BRINP1: variants seen among roughly 807,000 people sequenced by gnomAD.
The protein encoded by BRINP1 is BMP/retinoic acid-inducible neural-specific protein 1.
In BRINP1, 17 loss-of-function variants were observed where a neutral mutation model predicts 72.9. The ratio of observed to expected loss-of-function variants is 0.23; its 90% confidence interval spans 0.16 to 0.35. BRINP1 has a LOEUF of 0.35. Ranked by LOEUF, BRINP1 falls within the 10% of genes least tolerant of loss-of-function variation. The pLI is 1.00. For missense variants in BRINP1, 850 were observed against 1,001.6 expected (o/e 0.85, Z 2.04); for synonymous variants, 418 against 378.5 (o/e 1.10, Z -1.21).
chr9:119,191,616 A>G (rs1314218769), intron 7 of BRINP1, among the ~76,000 whole-genome samples: 2 of 151,952 alleles, frequency 1.3e-5, no homozygotes, highest in Non-Finnish European at 2.9e-5. Context: ...ATTAAAGAAG[A>G]CACAAATAAA....
chr9:119,364,350 G>A (rs1831668375), intron 1 of BRINP1, among the ~76,000 whole-genome samples: 2 of 152,078 alleles, frequency 1.3e-5, no homozygotes, highest in Admixed American at 1.3e-4. Flanking sequence ...TAATGAACTT[G>A]CTATCACTAA....
intron 1 of BRINP1, among the ~76,000 whole-genome samples, chr9:119,315,593 G>A (rs1831116794): frequency 6.6e-6 from 1 of 152,044 alleles, no homozygotes; most frequent in African/African-American, 2.4e-5. Flanking sequence ...TTAAGTGAAA[G>A]GAGGAGTCCT....
chr9:119,363,916 G>T (rs1250051474), intron 1 of BRINP1, among the ~76,000 whole-genome samples: 1 of 151,858 alleles, frequency 6.6e-6, no homozygotes, highest in Non-Finnish European at 1.5e-5. Context: ...ATCACAGACA[G>T]TTCTATTTGA....
intron 6 of BRINP1, chr9:119,213,677 C>T (rs981261946): frequency 3.5e-5 from 21 of 594,032 alleles, no homozygotes; most frequent in East Asian, 8.2e-5. Flanking sequence ...CTTCTGGGTA[C>T]GACAGAAACA....
chr9:119,322,808 C>T (rs1288076670), intron 1 of BRINP1, among the ~76,000 whole-genome samples: 1 of 152,150 alleles, frequency 6.6e-6, no homozygotes, highest in Non-Finnish European at 1.5e-5. Flanking sequence ...ATGTTATTAA[C>T]CCCCTCTGTG....
rs185352000 is a variant in BRINP1 at position 119,358,781 on chromosome 9, T to C, written c.-51+10275A>G. 3.8e-3 allele frequency among the ~76,000 whole-genome samples: 573 copies of C among 152,356 alleles called. 3 individuals are homozygous for C. Among genetic ancestry groups the C allele is most frequent in the Non-Finnish European group, 6.2e-3 (420 of 68,032 alleles). On this transcript the variant is annotated intron_variant, in intron 1 of 7. Coordinates refer to ENST00000265922, the MANE Select transcript of BRINP1 (RefSeq NM_014618.3). Reference sequence around the variant, plus strand: ...TCTGCCTTTATGGTAGGTGATCCTATGTCTATATCTGGTCTTTACATCTAT... The same window carrying C: ...TCTGCCTTTATGGTAGGTGATCCTACGTCTATATCTGGTCTTTACATCTAT...
chr9:119,287,938 T>G (rs78946727), intron 2 of BRINP1, among the ~76,000 whole-genome samples: 2 of 152,110 alleles, frequency 1.3e-5, no homozygotes, highest in African/African-American at 2.4e-5. Flanking sequence ...CAAACCCCCA[T>G]GTAACACGTT....
At position 119,242,117 on chromosome 9, in the gene BRINP1, G is replaced by C; in HGVS notation, c.509C>G (p.Ser170Cys). ...SVEALHQLAS[S>C]YFVDRDGTMR... ...GGTACCATCACGGTCAACAAAGTAG[G>C]ATGATGCGAGCTGGTGCAGAGCTTC... Residue 170 changes from serine to cysteine, a missense_variant, in exon 4 of 8, where the codon TCC (serine) becomes TGC (cysteine). Coordinates refer to ENST00000265922, the MANE Select transcript of BRINP1 (RefSeq NM_014618.3). 1.2e-6 allele frequency: 2 copies of C among 1,614,108 alleles called. No individual in the cohort carries two copies. The highest frequency in any genetic ancestry group is 1.7e-6 in the Non-Finnish European group (2 of 1,180,004).
At chr9:119,258,646 C>T (rs879213031) in intron 2 of BRINP1, among the ~76,000 whole-genome samples, 2 of 152,192 alleles carry the variant, frequency 1.3e-5, no homozygotes, top group Admixed American at 1.3e-4. Flanking sequence ...GCTAAGGCCA[C>T]AGCACCATTG....
intron 4 of BRINP1, among the ~76,000 whole-genome samples, chr9:119,239,513 A>G (rs959638303): frequency 6.6e-6 from 1 of 152,348 alleles, no homozygotes; most frequent in East Asian, 1.9e-4. Context: ...AAGCCTCTTC[A>G]TTTATTTAGC....
At chr9:119,344,331 T>TACAA (rs1414663894) in intron 1 of BRINP1, among the ~76,000 whole-genome samples, 1 of 152,216 alleles carries the variant, frequency 6.6e-6, no homozygotes, top group African/African-American at 2.4e-5. Context: ...AATACATATG[T>TACAA]ATAAACACAC....
At chr9:119,342,381 C>T (rs1361689690) in intron 1 of BRINP1, among the ~76,000 whole-genome samples, 3 of 152,004 alleles carry the variant, frequency 2.0e-5, no homozygotes, top group Admixed American at 1.3e-4. Flanking sequence ...CTAACATTTC[C>T]GAAACATTGA....
chr9:119,353,803 C>G (rs1587970720), intron 1 of BRINP1, among the ~76,000 whole-genome samples: 1 of 92,806 alleles, frequency 1.1e-5, no homozygotes, highest in African/African-American at 4.1e-5. Flanking sequence ...GCAAATTAAA[C>G]TTAATTTTGT....
intron 7 of BRINP1, among the ~76,000 whole-genome samples, chr9:119,204,191 T>C (rs1419888613): frequency 6.6e-6 from 1 of 152,022 alleles, no homozygotes; most frequent in Non-Finnish European, 1.5e-5. Context: ...TGCAGCCCAG[T>C]CAAGCCCCCA....
intron 2 of BRINP1, among the ~76,000 whole-genome samples, chr9:119,279,992 T>C (rs750072194): frequency 6.6e-6 from 1 of 152,064 alleles, no homozygotes; most frequent in South Asian, 2.1e-4. Flanking sequence ...AAATGCTATA[T>C]GTACAAAAAG....
At chr9:119,353,955 G>A (rs1349316070) in intron 1 of BRINP1, among the ~76,000 whole-genome samples, 1 of 149,650 alleles carries the variant, frequency 6.7e-6, no homozygotes, top group African/African-American at 2.5e-5. Flanking sequence ...AATCTTGGAG[G>A]AAGTCATCTT....
At chr9:119,201,999 C>T (rs1317928297) in intron 7 of BRINP1, among the ~76,000 whole-genome samples, 1 of 152,018 alleles carries the variant, frequency 6.6e-6, no homozygotes. Flanking sequence ...AGGCAATTTC[C>T]ACCACTATGC....
intron 7 of BRINP1, among the ~76,000 whole-genome samples, chr9:119,184,304 C>T (rs1161356373): frequency 6.6e-6 from 1 of 152,278 alleles, no homozygotes; most frequent in Non-Finnish European, 1.5e-5. Flanking sequence ...CCTTGCCCCT[C>T]ACCTAGATTG....
intron 2 of BRINP1, among the ~76,000 whole-genome samples, chr9:119,306,149 G>T (rs1830995602): frequency 6.6e-6 from 1 of 152,326 alleles, no homozygotes. Flanking sequence ...CTGGACAATT[G>T]TTCTGTAGAA....
Sources: allele counts gnomAD v4.1 joint callset (sites outside exome capture counted in the v4.1 genomes callset), GRCh38; gene constraint gnomAD v4.1.1; transcripts MANE v1.5; gene names NCBI Gene and HGNC (gene_info 2026-07-23, HGNC 2026-07-21).